The following PLXNC1 variants were observed in gnomAD, a reference collection of about 807,000 sequenced individuals.
The protein encoded by PLXNC1 is plexin-C1.
In PLXNC1, 75 loss-of-function variants were observed where a neutral mutation model predicts 178.2. That is an observed-to-expected ratio of 0.42 (90% CI 0.35 to 0.51). The LOEUF (loss-of-function observed/expected upper bound fraction) is 0.51. Ranked by LOEUF, PLXNC1 falls within the 20% of genes least tolerant of loss-of-function variation. The pLI, the probability that PLXNC1 is intolerant of heterozygous loss-of-function variation, is 0.02. For synonymous variants in PLXNC1, 790 were observed against 779.9 expected (o/e 1.01, Z -0.22); for missense variants, 1,503 against 1,984.4 (o/e 0.76, Z 4.61).
At chr12:94,196,874 A>G (rs1480783988) in intron 4 of PLXNC1, among the ~76,000 whole-genome samples, 1 of 152,218 alleles carries the variant, frequency 6.6e-6, no homozygotes, top group African/African-American at 2.4e-5. Flanking sequence ...GCCTTAGCTT[A>G]TGTATAGTTT....
intron 22 of PLXNC1, 58 bp downstream of exon 22, chr12:94,279,707 GCCCT>G: frequency 1.4e-6 from 2 of 1,460,556 alleles, no homozygotes; most frequent in Non-Finnish European, 1.9e-6. Context: ...CTCCCTGCCT[GCCCT>G]CCCTCCCTGT....
chr12:94,228,371 A>C (rs917232660), intron 9 of PLXNC1, among the ~76,000 whole-genome samples: 2 of 150,300 alleles, frequency 1.3e-5, no homozygotes, highest in Non-Finnish European at 3.0e-5. Flanking sequence ...TTTTAATTAA[A>C]CTTTGTTGTT....
chr12:94,199,403 C>T (rs554944549), intron 4 of PLXNC1, among the ~76,000 whole-genome samples: 110 of 152,276 alleles, frequency 7.2e-4, no homozygotes, highest in African/African-American at 2.5e-3. Flanking sequence ...CCCCATTGTG[C>T]CGACTAATTG....
intron 1 of PLXNC1, among the ~76,000 whole-genome samples, chr12:94,151,863 A>G (rs1439304925): frequency 6.6e-6 from 1 of 152,242 alleles, no homozygotes; most frequent in African/African-American, 2.4e-5. Flanking sequence ...TTTTGGCTCA[A>G]TCAGGTGTTC....
intron 17 of PLXNC1, among the ~76,000 whole-genome samples, 198 bp from the exon 18 acceptor site, chr12:94,259,139 A>T (rs1964929738): frequency 6.6e-6 from 1 of 152,188 alleles, no homozygotes; most frequent in South Asian, 2.1e-4. Context: ...AGGCTTTCGG[A>T]ATTCAGTGGC....
rs145255892 is a variant in PLXNC1 at position 94,158,522 on chromosome 12, C to T, written c.1062+8489C>T. 7.4e-4 allele frequency among the ~76,000 whole-genome samples: 113 copies of T among 152,292 alleles called. 2 individuals are homozygous for T. In the East Asian group the frequency reaches 0.021, roughly 28 times the overall value. On this transcript the variant is annotated intron_variant, in intron 1 of 30. Transcript: ENST00000258526. ...TAGAAAATTATCATTAGGCAGGGAG[C>T]AGATGGCGCATGCCCATAATCCCAG...
At chr12:94,265,696 G>T (rs938161012) in intron 21 of PLXNC1, among the ~76,000 whole-genome samples, 1 of 152,162 alleles carries the variant, frequency 6.6e-6, no homozygotes, top group African/African-American at 2.4e-5. Flanking sequence ...TATTTTCATG[G>T]ATTAGTTACA....
chr12:94,172,496 T>C (rs1307890536), intron 2 of PLXNC1, among the ~76,000 whole-genome samples: 2 of 152,220 alleles, frequency 1.3e-5, no homozygotes, highest in Non-Finnish European at 2.9e-5. Context: ...AAAGGTAATA[T>C]ATGCTCATGT....
At chr12:94,252,246 A>C (rs1384521707) in intron 15 of PLXNC1, among the ~76,000 whole-genome samples, 1 of 151,896 alleles carries the variant, frequency 6.6e-6, no homozygotes, top group Non-Finnish European at 1.5e-5. Context: ...TTCAGTCTTG[A>C]TTTTCTGGGC....
At chr12:94,225,765 C>T (rs1173512339) in intron 7 of PLXNC1, among the ~76,000 whole-genome samples, 2 of 152,164 alleles carry the variant, frequency 1.3e-5, no homozygotes, top group Non-Finnish European at 2.9e-5. Context: ...AGTAATCACA[C>T]CCTGGGGGTA....
chr12:94,211,924 G>C (rs11107443), intron 5 of PLXNC1, among the ~76,000 whole-genome samples: 30,189 of 152,188 alleles, frequency 0.2, 3,135 homozygotes, highest in Middle Eastern at 0.26. Context: ...GTAAACATGG[G>C]CTCCCCTGGT....
chr12:94,278,150 AAAAAC>A (rs1303021987), intron 21 of PLXNC1: 1 of 397,502 alleles, frequency 2.5e-6, no homozygotes, highest in Non-Finnish European at 5.0e-6. Flanking sequence ...TAAAACCAAA[AAAAAC>A]AAAACAAAAT....
chr12:94,303,696 T>TG, intron 28 of PLXNC1, 60 bp from the exon 29 acceptor site: 1 of 717,844 alleles, frequency 1.4e-6, no homozygotes, highest in South Asian at 3.0e-5. Context: ...CCTCCATCTT[T>TG]TTTTTTTTTT....
intron 23 of PLXNC1, among the ~76,000 whole-genome samples, chr12:94,291,869 T>C (rs779792732): frequency 3.3e-5 from 5 of 152,184 alleles, no homozygotes; most frequent in Non-Finnish European, 7.4e-5. Flanking sequence ...CCAGTGAACG[T>C]AGTACCCAAC....
Position 94,194,832 on chromosome 12 carries a change from G to A in PLXNC1, c.1439+8359G>A, listed in dbSNP as rs113156174. 7.2e-5 allele frequency among the ~76,000 whole-genome samples: 11 copies of A among 152,310 alleles called. 1 individual carries two copies. Among genetic ancestry groups the A allele is most frequent in the African/African-American group, 2.4e-4 (10 of 41,576 alleles). ...CATAACGTACATCATTGTAGGCCCA[G>A]TGCCTGGCTCCTGGTAGGCAACGAA... is the stretch of plus-strand genomic sequence containing the variant. On this transcript the variant is annotated intron_variant, in intron 4 of 30. Coordinates refer to ENST00000258526, the MANE Select transcript of PLXNC1 (RefSeq NM_005761.3).
At chr12:94,298,834 TG>T (rs1968184180) in intron 27 of PLXNC1, 39 bp downstream of exon 27, 1 of 1,556,690 alleles carries the variant, frequency 6.4e-7, no homozygotes. Context: ...TTCAAGAATC[TG>T]GGACAGAATA....
At chr12:94,292,485 T>C (rs1022310888) in intron 23 of PLXNC1, among the ~76,000 whole-genome samples, 4 of 152,230 alleles carry the variant, frequency 2.6e-5, no homozygotes, top group African/African-American at 9.6e-5. Flanking sequence ...TTAAAAAGTA[T>C]ATGCAAATTT....
In PLXNC1 at chr12:94,240,656, C is replaced by G; in HGVS notation, c.2292C>G (p.Thr764=). 5 of 1,609,572 alleles carry G rather than the reference C, an allele frequency of 3.1e-6. No homozygotes were observed. The highest frequency in any genetic ancestry group is 4.2e-6 in the Non-Finnish European group (5 of 1,176,606). ...PHCSLIFPAT[T]WISGGQNITM... is the part of the protein sequence containing the mutation. The stretch of plus-strand genomic sequence containing the variant: ...GTTCCCTTATATTTCCTGCTACCAC[C>G]TGGATCAGGTACTTTCTAGATTCAT... Residue 764 remains threonine, a synonymous_variant, in exon 11 of 31, where the codon ACC becomes ACG. Transcript: ENST00000258526.
chr12:94,249,779 A>G lies in PLXNC1; in HGVS notation c.2778+1367A>G, dbSNP rs371649476. Among the ~76,000 whole-genome samples the G allele has an allele frequency of 1.2e-3, 177 of 152,280 alleles. 2 individuals carry two copies. Among genetic ancestry groups the G allele is most frequent in the African/African-American group, 4.0e-3 (166 of 41,570 alleles). ...TTCATCATTCATGACATAGCTCCTGAGAGCCTACGCTGTGATGGGGACAGA... is the reference window on the plus strand; with the variant it reads ...TTCATCATTCATGACATAGCTCCTGGGAGCCTACGCTGTGATGGGGACAGA... On this transcript the variant is annotated intron_variant, in intron 14 of 30. Transcript: ENST00000258526.
Sources: gnomAD v4.1 joint callset for allele counts (sites outside exome capture counted in the v4.1 genomes callset) on GRCh38, gnomAD v4.1.1 for gene constraint, MANE v1.5 for transcripts, NCBI Gene and HGNC (gene_info 2026-07-23, HGNC 2026-07-21) for gene names.